The following KPNA4 variants were observed in gnomAD, a reference collection of about 807,000 sequenced individuals.
KPNA4 encodes the protein karyopherin subunit alpha 4, also known as importin subunit alpha-3.
Under a neutral mutation model 71.3 loss-of-function variants are expected in KPNA4, and 13 were observed. The observed-to-expected ratio is 0.18, with a 90% CI of 0.12 to 0.29. The LOEUF (loss-of-function observed/expected upper bound fraction) is 0.29. KPNA4 is among the 10% of genes least tolerant of loss of function. The pLI is 1.00. For missense variants in KPNA4, 334 were observed against 603.2 expected (o/e 0.55, Z 4.67); for synonymous variants, 189 against 195.2 (o/e 0.97, Z 0.26).
chr3:160,553,955 C>G (rs1003299766), intron 1 of KPNA4, among the ~76,000 whole-genome samples: 1 of 152,194 alleles, frequency 6.6e-6, no homozygotes, highest in Non-Finnish European at 1.5e-5. Flanking sequence ...AGAGATCTTA[C>G]AGATCTGGAC....
chr3:160,503,110 C>CAAACA (rs10662239), intron 16 of KPNA4, among the ~76,000 whole-genome samples: 6,352 of 151,104 alleles, frequency 0.042, 242 homozygotes, highest in African/African-American at 0.1. Context: ...AACTCTGTCT[C>CAAACA]AAACAAAACA....
In KPNA4 at chr3:160,535,847, A is replaced by G; in HGVS notation, c.165T>C (p.Asp55=). The G allele has an allele frequency of 7.9e-7, 1 of 1,258,206 alleles. No homozygotes were observed. Among genetic ancestry groups the G allele is most frequent in the East Asian group, 3.7e-5 (1 of 26,812 alleles). 77.9% of individuals were successfully genotyped at this position (1,258,206 alleles called of 1,614,324 possible). The part of the protein sequence containing the change: ...LLKRRNVPHE[D]ICEDSDIDGD... ...CATCTATATCAGAGTCTTCACAGAT[A>G]TCTTCATGTGGTACATTCCTTCTCT... The change falls in exon 3 of 17, where the codon GAT becomes GAC. Residue 55 remains aspartate, a synonymous_variant. Transcript: ENST00000334256.
chr3:160,527,110 G>A (rs1309300818), intron 8 of KPNA4, among the ~76,000 whole-genome samples: 1 of 152,078 alleles, frequency 6.6e-6, no homozygotes, highest in East Asian at 1.9e-4. Context: ...CAAGAATAAA[G>A]AATTTGGCAA....
At chr3:160,559,182 C>T (rs1363074461) in intron 1 of KPNA4, among the ~76,000 whole-genome samples, 1 of 152,012 alleles carries the variant, frequency 6.6e-6, no homozygotes, top group Non-Finnish European at 1.5e-5. Context: ...CAAAAATGAG[C>T]AAAGTGAGTC....
chr3:160,565,320 CG>C lies in KPNA4; in HGVS notation c.-39del. The C allele has an allele frequency of 6.5e-7, 1 of 1,530,552 alleles. No homozygotes were observed. The highest frequency in any genetic ancestry group is 8.9e-7 in the Non-Finnish European group (1 of 1,126,060). The allele number at this position is 1,530,552 out of a possible 1,614,324, so 94.8% of individuals were successfully genotyped here. A position where few individuals can be genotyped will look rare whatever the true frequency, so the allele number is the denominator to read the frequency against. On this transcript the variant is annotated 5_prime_UTR_variant, in exon 1 of 17. Coordinates refer to ENST00000334256, the MANE Select transcript of KPNA4 (RefSeq NM_002268.5). Reference sequence around the variant, plus strand: ...GACTCCTTCCCCCGCCCGGGCCCCGCGGGATCCGCCCCAACCAACGCGCCGC... The same window carrying C: ...GACTCCTTCCCCCGCCCGGGCCCCGCGGATCCGCCCCAACCAACGCGCCGC...
rs182985644 is a variant in KPNA4, at chr3:160,515,796, G to A, written c.904-216C>T. On this transcript the variant is annotated intron_variant, in intron 11 of 16. Coordinates refer to ENST00000334256, the MANE Select transcript of KPNA4 (RefSeq NM_002268.5). The stretch of plus-strand genomic sequence containing the variant: ...TGTCCGGCTAATTTTTGTATTTTTT[G>A]TAGAGACAGAGTTTCACCATGTTGC... Among the ~76,000 whole-genome samples the A allele has an allele frequency of 1.4e-3, 210 of 152,020 alleles. 1 individual carries two copies. Among genetic ancestry groups the A allele is most frequent in the Admixed American group, 2.8e-3 (42 of 15,260 alleles).
Position 160,501,578 on chromosome 3 carries a change from T to C in KPNA4, c.*526A>G, listed in dbSNP as rs1720882903. On this transcript the variant is annotated 3_prime_UTR_variant, in exon 17 of 17. Coordinates refer to ENST00000334256, the MANE Select transcript of KPNA4 (RefSeq NM_002268.5). ...AGTCTGCTTCATGAGTGAAGAGCCC[T>C]AGATTTCAAAGATGAACCTGGCTCT... 6.6e-6 allele frequency: 1 copy of C among 152,648 alleles called. No homozygotes were observed. Among genetic ancestry groups the C allele is most frequent in the Non-Finnish European group, 1.5e-5 (1 of 68,054 alleles). 9.5% of individuals were successfully genotyped at this position (152,648 alleles called of 1,614,324 possible). A position where few individuals can be genotyped will look rare whatever the true frequency, so the allele number is the denominator to read the frequency against.
intron 15 of KPNA4, among the ~76,000 whole-genome samples, chr3:160,507,403 G>A (rs1267747948): frequency 6.6e-6 from 1 of 151,644 alleles, no homozygotes; most frequent in African/African-American, 2.4e-5. Context: ...AGGAGGCTGA[G>A]GCAGAAGAAT....
intron 16 of KPNA4, among the ~76,000 whole-genome samples, chr3:160,502,620 C>A (rs1720905759): frequency 1.3e-5 from 2 of 152,114 alleles, no homozygotes; most frequent in South Asian, 4.1e-4. Context: ...ATCTGCCTGT[C>A]TTGACCTCCC....
chr3:160,500,720 A>C lies in KPNA4; in HGVS notation c.*1384T>G, dbSNP rs1053269254. On this transcript the variant is annotated 3_prime_UTR_variant, in exon 17 of 17. Coordinates refer to ENST00000334256, the MANE Select transcript of KPNA4 (RefSeq NM_002268.5). ...ATCTAAGATAAAAAGATTCTAAAAC[A>C]ATTGAACAGATTAGGCATATTATTA... 1.3e-5 allele frequency: 2 copies of C among 152,622 alleles called. No homozygotes were observed. The highest frequency in any genetic ancestry group is 2.4e-5 in the African/African-American group (1 of 41,452). 9.5% of individuals were successfully genotyped at this position (152,622 alleles called of 1,614,324 possible).
intron 1 of KPNA4, among the ~76,000 whole-genome samples, chr3:160,557,234 G>A (rs1722155105): frequency 1.3e-5 from 2 of 152,106 alleles, no homozygotes; most frequent in African/African-American, 4.8e-5. Context: ...AAGAACAGGT[G>A]GCAAACAGGA....
rs1721476465 is a variant in KPNA4 at position 160,527,171 on chromosome 3, A to G, written c.556+782T>C. ...TCACTAGATTAGCAATACCCCTACA[A>G]ACAGTACCTCAGCCCCCACTCATAA... On this transcript the variant is annotated intron_variant, in intron 8 of 16. Coordinates refer to ENST00000334256, the MANE Select transcript of KPNA4 (RefSeq NM_002268.5). Among the ~76,000 whole-genome samples the G allele has an allele frequency of 3.9e-5, 6 of 152,278 alleles. No individual in the cohort carries two copies. The South Asian group carries it at 1.2e-3, about 32-fold the overall frequency.
At chr3:160,558,912 T>C (rs1208322925) in intron 1 of KPNA4, among the ~76,000 whole-genome samples, 1 of 152,180 alleles carries the variant, frequency 6.6e-6, no homozygotes, top group East Asian at 1.9e-4. Context: ...AAGAATTCCT[T>C]GAGGAAACAG....
At chr3:160,543,385 G>A (rs1238880180) in intron 1 of KPNA4, among the ~76,000 whole-genome samples, 2 of 151,642 alleles carry the variant, frequency 1.3e-5, no homozygotes, top group Non-Finnish European at 2.9e-5. Context: ...CTGTCACCCA[G>A]GCTGGAGTGC....
chr3:160,506,794 T>C (rs911606811), intron 15 of KPNA4, among the ~76,000 whole-genome samples: 2 of 152,260 alleles, frequency 1.3e-5, no homozygotes, highest in Admixed American at 6.5e-5. Flanking sequence ...TCTGTAACAC[T>C]ATTCCCCATC....
chr3:160,557,294 G>A (rs557680518), intron 1 of KPNA4, among the ~76,000 whole-genome samples: 3 of 152,102 alleles, frequency 2.0e-5, no homozygotes, highest in South Asian at 4.2e-4. Flanking sequence ...TAGGTCTTTC[G>A]GGATAAAACT....
chr3:160,540,826 T>C (rs1255051034), intron 1 of KPNA4, among the ~76,000 whole-genome samples: 2 of 152,028 alleles, frequency 1.3e-5, no homozygotes, highest in Non-Finnish European at 2.9e-5. Context: ...GTGGGGGAGG[T>C]TGAGGACTGT....
At chr3:160,528,522 T>C (rs1022289137) in intron 7 of KPNA4, among the ~76,000 whole-genome samples, 3 of 152,152 alleles carry the variant, frequency 2.0e-5, no homozygotes, top group Non-Finnish European at 2.9e-5. Flanking sequence ...TGAGCCACCA[T>C]GCCTGGCTAA....
chr3:160,559,576 A>C (rs1425658180), intron 1 of KPNA4, among the ~76,000 whole-genome samples: 1 of 152,178 alleles, frequency 6.6e-6, no homozygotes, highest in Non-Finnish European at 1.5e-5. Context: ...ACAGTGTAAG[A>C]AAAGTTCACT....
Sources: gnomAD v4.1 joint callset for allele counts (sites outside exome capture counted in the v4.1 genomes callset) on GRCh38, gnomAD v4.1.1 for gene constraint, MANE v1.5 for transcripts, NCBI Gene and HGNC (gene_info 2026-07-23, HGNC 2026-07-21) for gene names.